Variants in TRPM8 observed in about 807,000 individuals in gnomAD.
TRPM8 encodes transient receptor potential cation channel subfamily M member 8.
TRPM8 carries 110 observed loss-of-function variants against 133.7 expected under a neutral mutation model. The ratio of observed to expected loss-of-function variants is 0.82; its 90% CI spans 0.70 to 0.96. TRPM8 has a LOEUF of 0.96. Ranked by LOEUF, TRPM8 falls within the 40% of genes least tolerant of loss-of-function variation. The pLI, the probability that TRPM8 is intolerant of heterozygous loss-of-function variation, is 0.00. For synonymous variants in TRPM8, 535 were observed against 532.3 expected (o/e 1.01, Z -0.07); for missense variants, 1,291 against 1,379.5 (o/e 0.94, Z 1.02).
At position 233,989,592 on chromosome 2, in the gene TRPM8, A is replaced by G. The variant is rs1692225140; in HGVS notation, c.2939+3727A>G. Among the ~76,000 whole-genome samples the G allele has an allele frequency of 6.6e-6, 1 of 152,236 alleles. No individual in the cohort carries two copies. The highest frequency in any genetic ancestry group is 2.4e-5 in the African/African-American group (1 of 41,466). ...GTTGTTCAGGGCTTACTCTGTGAGC[A>G]GATGGCCCCAGGATGTGACCCTTCC... On this transcript the variant is annotated intron_variant, in intron 21 of 25. Coordinates refer to ENST00000324695, the MANE Select transcript of TRPM8 (RefSeq NM_024080.5). This position sits in a 1 kb window ranked among gnomAD's most constrained non-coding sequence, Gnocchi z 4.2.
intron 12 of TRPM8, 56 bp from the exon 13 acceptor site, chr2:233,963,226 C>T: frequency 3.2e-6 from 4 of 1,263,336 alleles, no homozygotes; most frequent in Non-Finnish European, 4.6e-6. Flanking sequence ...CTAGGGCTTC[C>T]TGATCCCAGA....
chr2:233,938,931 G>A (rs1021486793), intron 4 of TRPM8, 67 bp from the exon 5 acceptor site: 16 of 1,541,286 alleles, frequency 1.0e-5, no homozygotes, highest in African/African-American at 1.4e-5. Context: ...AAGTTGGGAG[G>A]GAATGCTAAA....
At chr2:233,922,774 T>C (rs1691435366) in intron 1 of TRPM8, among the ~76,000 whole-genome samples, 1 of 152,236 alleles carries the variant, frequency 6.6e-6, no homozygotes, top group Non-Finnish European at 1.5e-5. Context: ...CATTTTCTTC[T>C]AGTTTATAGT....
chr2:233,996,331 C>A lies in TRPM8; in HGVS notation c.2945C>A (p.Thr982Lys). ...CTTCTCTCTTCCCTCACCAGCTACA[C>A]GGTGGGCACCGTCCAGGAGAACAAT... ...VNLLVAMFGY[T>K]VGTVQENNDQ... Residue 982 changes from threonine (T) to lysine (K), a missense_variant, in exon 22 of 26, where the codon ACG (threonine) becomes AAG (lysine). Thr to Lys is a moderately conservative substitution (Grantham distance 78). This residue lies in a region of TRPM8 where 328 missense variants were observed against 410.6 expected (regional missense o/e 0.80). Coordinates refer to ENST00000324695, the MANE Select transcript of TRPM8 (RefSeq NM_024080.5). 1 of 1,613,944 alleles carries A rather than the reference C, an allele frequency of 6.2e-7. No individual in the cohort carries two copies. Among genetic ancestry groups the A allele is most frequent in the Non-Finnish European group, 8.5e-7 (1 of 1,179,902 alleles).
rs182712295 is a variant in TRPM8 at position 233,978,281 on chromosome 2, G to A, written c.2356-1907G>A. 2.8e-3 allele frequency among the ~76,000 whole-genome samples: 419 copies of A among 148,796 alleles called. 1 individual carries two copies. Among genetic ancestry groups the A allele is most frequent in the Non-Finnish European group, 4.8e-3 (324 of 67,262 alleles). ...TTTCCTTCTTTGTTAGTCTCCCTACGGACTTTCTCAACCTTTACTCTAAAG... is the reference window on the plus strand; with the variant it reads ...TTTCCTTCTTTGTTAGTCTCCCTACAGACTTTCTCAACCTTTACTCTAAAG... On this transcript the variant is annotated intron_variant, in intron 17 of 25. Coordinates refer to ENST00000324695, the MANE Select transcript of TRPM8 (RefSeq NM_024080.5).
At chr2:234,007,068 A>G (rs1692712494) in intron 23 of TRPM8, 116 bp downstream of exon 23, 1 of 672,874 alleles carries the variant, frequency 1.5e-6, no homozygotes, top group African/African-American at 1.8e-5. Context: ...AGAGAATAAT[A>G]CCACCACAAA....
chr2:233,963,722 C>T (rs558208026), intron 13 of TRPM8, among the ~76,000 whole-genome samples: 4 of 152,110 alleles, frequency 2.6e-5, no homozygotes, highest in African/African-American at 7.2e-5. Context: ...TAAAAAATTC[C>T]GCTTTGGAAA....
chr2:233,973,500 C>G (rs1691785817), intron 17 of TRPM8, among the ~76,000 whole-genome samples: 1 of 152,212 alleles, frequency 6.6e-6, no homozygotes, highest in Admixed American at 6.5e-5. Flanking sequence ...AATCTCCGCT[C>G]TCCCTGGGGA....
intron 22 of TRPM8, 99 bp downstream of exon 22, chr2:233,996,615 A>T: frequency 9.0e-7 from 1 of 1,110,756 alleles, no homozygotes; most frequent in Middle Eastern, 2.0e-4. Flanking sequence ...TTATTCACAG[A>T]TCTTTCACTG....
At position 233,950,279 on chromosome 2, in the gene TRPM8, A is replaced by G. The variant is rs1691144445; in HGVS notation, c.1140+133A>G. ...TTTCTCCGTGCCTTTGAGGCTCAACAGGTGTCTTGCTGGAAACTGAAGTTC... is the reference window on the plus strand; with the variant it reads ...TTTCTCCGTGCCTTTGAGGCTCAACGGGTGTCTTGCTGGAAACTGAAGTTC... On this transcript the variant is annotated intron_variant, in intron 9 of 25. Coordinates refer to ENST00000324695, the MANE Select transcript of TRPM8 (RefSeq NM_024080.5). 4.7e-6 allele frequency: 4 copies of G among 842,356 alleles called. No individual in the cohort carries two copies. In the South Asian group the frequency reaches 5.3e-5, roughly 11 times the overall value. 52.2% of individuals were successfully genotyped at this position (842,356 alleles called of 1,614,324 possible).
intron 20 of TRPM8, 54 bp downstream of exon 20, chr2:233,983,278 G>T (rs779738463): frequency 1.2e-6 from 2 of 1,608,996 alleles, no homozygotes; most frequent in Admixed American, 1.7e-5. Context: ...TTTGCTCCCT[G>T]AACCAACCCC....
rs532087023 is a variant in TRPM8, at chr2:234,018,222, C to A, written c.*966C>A. On this transcript the variant is annotated 3_prime_UTR_variant, in exon 26 of 26. Coordinates refer to ENST00000324695, the MANE Select transcript of TRPM8 (RefSeq NM_024080.5). Reference sequence around the variant, plus strand: ...TAAGCTTTTTCACTTAGTATTTTATCAAATATGTTTTTATTATATTCATAG... The same window carrying A: ...TAAGCTTTTTCACTTAGTATTTTATAAAATATGTTTTTATTATATTCATAG... 20 of 152,008 alleles carry A rather than the reference C, an allele frequency of 1.3e-4. No individual in the cohort carries two copies. Among genetic ancestry groups the A allele is most frequent in the African/African-American group, 3.9e-4 (16 of 41,472 alleles). The allele number at this position is 152,008 out of a possible 1,614,324, so 9.4% of individuals were successfully genotyped here. A position where few individuals can be genotyped will look rare whatever the true frequency, so the allele number is the denominator to read the frequency against.
chr2:234,015,257 T>C (rs1692930771), intron 25 of TRPM8, among the ~76,000 whole-genome samples: 2 of 152,238 alleles, frequency 1.3e-5, no homozygotes, highest in Non-Finnish European at 2.9e-5. Context: ...TATTATGTTT[T>C]CTCATTACCT....
intron 5 of TRPM8, 76 bp downstream of exon 5, chr2:233,939,251 C>T: frequency 4.0e-6 from 6 of 1,517,138 alleles, no homozygotes; most frequent in Non-Finnish European, 5.4e-6. Context: ...AGGCAGTTCC[C>T]GTGTGCAATT....
rs546557352 is a variant in TRPM8, at chr2:233,985,430, G to T, written c.2762-258G>T. The stretch of plus-strand genomic sequence containing the variant: ...CCAAAGAGGCTGGAACGTTCTTGAG[G>T]GCAAAGAACATGTTCACTTGGCCCT... On this transcript the variant is annotated intron_variant, in intron 20 of 25. Transcript: ENST00000324695. Among the ~76,000 whole-genome samples the T allele has an allele frequency of 5.9e-5, 9 of 152,292 alleles. No homozygotes were observed. The East Asian group carries it at 1.7e-3, about 29-fold the overall frequency.
intron 17 of TRPM8, among the ~76,000 whole-genome samples, chr2:233,976,428 T>A (rs959921690): frequency 3.9e-5 from 6 of 152,074 alleles, no homozygotes; most frequent in Middle Eastern, 3.4e-3. Flanking sequence ...TAGCATGAGG[T>A]GTTTTTGCTC....
intron 24 of TRPM8, among the ~76,000 whole-genome samples, chr2:234,008,606 C>T (rs543864559): frequency 3.9e-5 from 6 of 152,294 alleles, no homozygotes; most frequent in South Asian, 4.1e-4. Context: ...AAATCACAAT[C>T]GATTCGTATA....
At position 233,918,095 on chromosome 2, in the gene TRPM8, A is replaced by G. The variant is rs574841432; in HGVS notation, c.-6+663A>G. On this transcript the variant is annotated intron_variant, in intron 1 of 25. Coordinates refer to ENST00000324695, the MANE Select transcript of TRPM8 (RefSeq NM_024080.5). Reference sequence around the variant, plus strand: ...CATTATTGCCAGTGCTGACTTTTTCAGTGTTAGGATTCTTGAGCTGAACAT... The same window carrying G: ...CATTATTGCCAGTGCTGACTTTTTCGGTGTTAGGATTCTTGAGCTGAACAT... Among the ~76,000 whole-genome samples the G allele has an allele frequency of 3.2e-4, 49 of 152,172 alleles. No homozygotes were observed. In the South Asian group the frequency reaches 5.2e-3, roughly 16 times the overall value.
At chr2:233,971,490 T>C (rs1691717626) in intron 17 of TRPM8, among the ~76,000 whole-genome samples, 1 of 152,172 alleles carries the variant, frequency 6.6e-6, no homozygotes, top group African/African-American at 2.4e-5. Flanking sequence ...CTGACTTTCC[T>C]TGCCTAGTAG....
Sources: gnomAD v4.1 joint callset for allele counts (sites outside exome capture counted in the v4.1 genomes callset) on GRCh38, gnomAD v4.1.1 for gene constraint, gnomAD v4.1.1 regional missense constraint, Gnocchi (gnomAD v3.1) non-coding constraint, MANE v1.5 for transcripts, NCBI Gene and HGNC (gene_info 2026-07-23, HGNC 2026-07-21) for gene names.